The following RGS7 variants were observed in gnomAD, a reference collection of about 807,000 sequenced individuals.
RGS7 encodes the protein regulator of G-protein signaling 7.
RGS7 carries 27 observed loss-of-function variants against 81.1 expected under a neutral mutation model. That is an observed-to-expected ratio of 0.33 (90% confidence interval 0.25 to 0.46). The LOEUF (loss-of-function observed/expected upper bound fraction) is 0.46, where lower values mean the gene tolerates loss of function less well. Ranked by LOEUF, RGS7 falls within the 20% of genes least tolerant of loss-of-function variation. The probability of loss-of-function intolerance (pLI) is 1.00; values close to 1 mark genes in which losing one functional copy is unlikely to be tolerated. For synonymous variants in RGS7, 208 were observed against 207.7 expected (o/e 1.00, Z -0.01); for missense variants, 396 against 607.4 (o/e 0.65, Z 3.66).
intron 6 of RGS7, among the ~76,000 whole-genome samples, chr1:240,879,134 T>A (rs1665972499): frequency 6.6e-6 from 1 of 152,164 alleles, no homozygotes; most frequent in Admixed American, 6.6e-5. Context: ...TTGAGAGAGG[T>A]GCATTAAAGT....
At chr1:241,243,716 G>A (rs1196725864) in intron 2 of RGS7, among the ~76,000 whole-genome samples, 1 of 152,164 alleles carries the variant, frequency 6.6e-6, no homozygotes, top group Non-Finnish European at 1.5e-5. Flanking sequence ...GCCACATTAT[G>A]TTTCAGATAC....
At chr1:241,202,277 C>A (rs578225887) in intron 2 of RGS7, among the ~76,000 whole-genome samples, 3 of 151,754 alleles carry the variant, frequency 2.0e-5, no homozygotes, top group Admixed American at 2.0e-4. Flanking sequence ...AAATAGCTCA[C>A]CTATGAAACA....
At chr1:241,018,536 C>G (rs1256909778) in intron 3 of RGS7, among the ~76,000 whole-genome samples, 1 of 151,182 alleles carries the variant, frequency 6.6e-6, no homozygotes, top group Admixed American at 6.6e-5. Flanking sequence ...TGTCTTTTTT[C>G]TTGATTTGGG....
chr1:241,079,154 A>C (rs1317451559), intron 3 of RGS7, among the ~76,000 whole-genome samples: 1 of 152,176 alleles, frequency 6.6e-6, no homozygotes, highest in African/African-American at 2.4e-5. Flanking sequence ...GCTGAGATAA[A>C]AGCGATGTGC....
intron 4 of RGS7, among the ~76,000 whole-genome samples, chr1:240,959,679 T>G (rs2148467795): frequency 6.6e-6 from 1 of 152,208 alleles, no homozygotes; most frequent in East Asian, 1.9e-4. Context: ...TTTTTTATTT[T>G]AAAAAGGACA....
chr1:241,322,792 T>G (rs1178903959), intron 2 of RGS7, among the ~76,000 whole-genome samples: 3 of 152,250 alleles, frequency 2.0e-5, no homozygotes, highest in Admixed American at 2.0e-4. Context: ...TGCTATACAG[T>G]CATATCACCA....
chr1:241,282,544 C>T (rs1196845192), intron 2 of RGS7, among the ~76,000 whole-genome samples: 6 of 152,118 alleles, frequency 3.9e-5, no homozygotes, highest in South Asian at 2.1e-4. Flanking sequence ...CCTTTCTGAT[C>T]GAAATGTCCT....
intron 2 of RGS7, among the ~76,000 whole-genome samples, chr1:241,134,618 CTTG>C (rs1011478766): frequency 1.2e-4 from 19 of 152,112 alleles, no homozygotes; most frequent in Admixed American, 9.8e-4. Flanking sequence ...GGAAGTCACT[CTTG>C]TTGTTTATAA....
intron 2 of RGS7, among the ~76,000 whole-genome samples, chr1:241,203,486 T>A (rs2073667975): frequency 6.6e-6 from 1 of 152,170 alleles, no homozygotes; most frequent in African/African-American, 2.4e-5. Flanking sequence ...CACCTCGGGC[T>A]CCCAAAGTGC....
At chr1:241,126,663 G>A (rs2066684380) in intron 2 of RGS7, among the ~76,000 whole-genome samples, 1 of 152,188 alleles carries the variant, frequency 6.6e-6, no homozygotes, top group African/African-American at 2.4e-5. Context: ...AGGATCAAAT[G>A]AGTTTACCCC....
At chr1:241,230,127 C>T (rs1172252216) in intron 2 of RGS7, among the ~76,000 whole-genome samples, 2 of 152,046 alleles carry the variant, frequency 1.3e-5, no homozygotes, top group African/African-American at 4.8e-5. Flanking sequence ...TCTAACCTTG[C>T]CTTATACTTC....
At chr1:240,871,989 C>T (rs1164218220) in intron 6 of RGS7, among the ~76,000 whole-genome samples, 1 of 152,098 alleles carries the variant, frequency 6.6e-6, no homozygotes, top group Non-Finnish European at 1.5e-5. Context: ...AAATGTTTCT[C>T]ACCATTAGGT....
At chr1:241,081,840 T>C (rs1221357993) in intron 3 of RGS7, among the ~76,000 whole-genome samples, 1 of 152,348 alleles carries the variant, frequency 6.6e-6, no homozygotes, top group East Asian at 1.9e-4. Context: ...AAATAATTCA[T>C]CTCCAGAGAT....
chr1:241,104,750 C>G (rs1164176611), intron 2 of RGS7, among the ~76,000 whole-genome samples: 5 of 152,174 alleles, frequency 3.3e-5, no homozygotes. Context: ...GCTTCTGTTA[C>G]AGAACCCTCC....
intron 18 of RGS7, among the ~76,000 whole-genome samples, chr1:240,797,258 T>A (rs962132203): frequency 6.6e-6 from 1 of 152,226 alleles, no homozygotes; most frequent in African/African-American, 2.4e-5. Context: ...GGCTGATCAG[T>A]CATCCTACCC....
intron 2 of RGS7, among the ~76,000 whole-genome samples, chr1:241,346,289 T>C (rs1240512416): frequency 1.8e-5 from 1 of 54,772 alleles, no homozygotes; most frequent in East Asian, 6.5e-4. Context: ...GCTTGGCATC[T>C]GTGTTTGCCA....
At chr1:241,277,553 A>T (rs1375523177) in intron 2 of RGS7, among the ~76,000 whole-genome samples, 2 of 151,306 alleles carry the variant, frequency 1.3e-5, no homozygotes, top group Non-Finnish European at 2.9e-5. Flanking sequence ...CAGGAGGTGG[A>T]GCTTGCAGTC....
intron 4 of RGS7, among the ~76,000 whole-genome samples, chr1:240,959,577 G>C (rs1163798207): frequency 6.6e-6 from 1 of 152,114 alleles, no homozygotes; most frequent in Non-Finnish European, 1.5e-5. Context: ...AATCTCATGG[G>C]ACCATTGTCA....
chr1:240,932,876 CTTTTTTTTTTTTTTTT>C (rs36194238), intron 5 of RGS7, among the ~76,000 whole-genome samples: 273 of 56,542 alleles, frequency 4.8e-3, no homozygotes, highest in South Asian at 0.019. Flanking sequence ...TGGTATCTTT[CTTTTTTTTTTTTTTTT>C]TTTTTTTTTG....
Sources: gnomAD v4.1 joint callset for allele counts (sites outside exome capture counted in the v4.1 genomes callset) on GRCh38, gnomAD v4.1.1 for gene constraint, MANE v1.5 for transcripts, NCBI Gene and HGNC (gene_info 2026-07-23, HGNC 2026-07-21) for gene names.